Variants in C2CD2 observed in about 807,000 individuals in gnomAD.
C2CD2 encodes the protein C2 calcium dependent domain containing 2.
Under a neutral mutation model 74.3 loss-of-function variants are expected in C2CD2, and 43 were observed. The ratio of observed to expected loss-of-function variants is 0.58; its 90% confidence interval spans 0.45 to 0.75. The LOEUF (loss-of-function observed/expected upper bound fraction) is 0.75, where lower values mean the gene tolerates loss of function less well. C2CD2 is among the 30% of genes least tolerant of loss of function. The pLI is 0.00. For synonymous variants in C2CD2, 422 were observed against 390.7 expected (o/e 1.08, Z -0.94); for missense variants, 801 against 916.3 (o/e 0.87, Z 1.63).
chr21:41,922,544 G>A (rs773314144), intron 2 of C2CD2, among the ~76,000 whole-genome samples: 2 of 149,404 alleles, frequency 1.3e-5, no homozygotes, highest in African/African-American at 2.5e-5. Flanking sequence ...GAGCAATCTC[G>A]GCTCACTGCA....
rs2065472785 is a variant in C2CD2, at chr21:41,953,977, G to C, written c.-329C>G. On this transcript the variant is annotated 5_prime_UTR_variant, in exon 1 of 14. Coordinates refer to ENST00000380486, the MANE Select transcript of C2CD2 (RefSeq NM_015500.2). ...CGCTTCCTCCTGCGCGCGCCGCCCC[G>C]GGCGTCCCGCCCGCGGCCCAGCGGT... is the stretch of plus-strand genomic sequence containing the variant. The C allele has an allele frequency of 6.8e-6, 1 of 147,844 alleles. No homozygotes were observed. The highest frequency in any genetic ancestry group is 1.5e-5 in the Non-Finnish European group (1 of 66,586). The allele number at this position is 147,844 out of a possible 1,614,324, so 9.2% of individuals were successfully genotyped here. A position where few individuals can be genotyped will look rare whatever the true frequency, so the allele number is the denominator to read the frequency against.
chr21:41,894,679 G>A (rs1206400586), intron 13 of C2CD2: 1 of 456,812 alleles, frequency 2.2e-6, no homozygotes, highest in South Asian at 1.5e-5. Flanking sequence ...GGCATGCAGG[G>A]GGCAGGGGAG....
chr21:41,915,442 CT>C lies in C2CD2; in HGVS notation c.721-722del, dbSNP rs1319117253. 7.0e-4 allele frequency among the ~76,000 whole-genome samples: 102 copies of C among 146,550 alleles called. 1 individual carries two copies. The highest frequency in any genetic ancestry group is 2.6e-3 in the East Asian group (13 of 5,052). ...CCTGTCACTCACTGCCAAGAGTGTT[CT>C]TTTTTTTTTTTGAGACAGAGTCTCG... On this transcript the variant is annotated intron_variant, in intron 5 of 13. Transcript: ENST00000380486.
intron 1 of C2CD2, among the ~76,000 whole-genome samples, chr21:41,948,481 C>T (rs1216692730): frequency 6.6e-6 from 1 of 152,140 alleles, no homozygotes; most frequent in Admixed American, 6.5e-5. Flanking sequence ...GTTAAATAAG[C>T]AGGAAAAAAG....
chr21:41,886,110 G>C lies in C2CD2; in HGVS notation c.*3014C>G, dbSNP rs957067302. On this transcript the variant is annotated 3_prime_UTR_variant, in exon 14 of 14. Transcript: ENST00000380486. Reference sequence around the variant, plus strand: ...CTCCTTAAACAAAGCAAACGGGGAAGGGTTGCAAGCTCATTAAAACCAACA... The same window carrying C: ...CTCCTTAAACAAAGCAAACGGGGAACGGTTGCAAGCTCATTAAAACCAACA... The C allele has an allele frequency of 6.6e-6, 1 of 152,194 alleles. No homozygotes were observed. Among genetic ancestry groups the C allele is most frequent in the African/African-American group, 2.4e-5 (1 of 41,428 alleles). 9.4% of individuals were successfully genotyped at this position (152,194 alleles called of 1,614,324 possible).
intron 2 of C2CD2, among the ~76,000 whole-genome samples, chr21:41,937,606 T>G (rs1388065376): frequency 9.2e-5 from 14 of 152,174 alleles, no homozygotes; most frequent in Non-Finnish European, 1.5e-5. Context: ...CTAACCCTCA[T>G]GCTGTTCAAG....
intron 9 of C2CD2, 72 bp from the exon 10 acceptor site, chr21:41,907,238 C>T: frequency 8.5e-7 from 1 of 1,177,126 alleles, no homozygotes; most frequent in African/African-American, 1.5e-5. Context: ...GGTAACACTG[C>T]CTTCTTGTGA....
In C2CD2 at chr21:41,894,435, G is replaced by A. The variant is rs559417692; in HGVS notation, c.1870+4618C>T. 7.5e-4 allele frequency: 273 copies of A among 361,840 alleles called. 4 individuals carry two copies. Among genetic ancestry groups the A allele is most frequent in the East Asian group, 1.2e-3 (17 of 13,694 alleles). 22.4% of individuals were successfully genotyped at this position (361,840 alleles called of 1,614,324 possible). On this transcript the variant is annotated intron_variant, in intron 13 of 13. Coordinates refer to ENST00000380486, the MANE Select transcript of C2CD2 (RefSeq NM_015500.2). ...ACTAATGGGACGGGTGTGTGACATT[G>A]CGCTTTCTGGCTCTGAAGTCCATGT...
chr21:41,943,052 G>A lies in C2CD2; in HGVS notation c.280-807C>T, dbSNP rs184551520. ...ATGGTGGCTCACACCGGTAATCCCAGTACTTTGGGAGGCCAAGGTGGAAGG... is the reference window on the plus strand; with the variant it reads ...ATGGTGGCTCACACCGGTAATCCCAATACTTTGGGAGGCCAAGGTGGAAGG... On this transcript the variant is annotated intron_variant, in intron 1 of 13. Transcript: ENST00000380486. 3 of 530,818 alleles carry A rather than the reference G, an allele frequency of 5.7e-6. No homozygotes were observed. The African/African-American group carries it at 6.2e-5, about 11-fold the overall frequency. 32.9% of individuals were successfully genotyped at this position (530,818 alleles called of 1,614,324 possible).
Position 41,896,997 on chromosome 21 carries a change from T to C in C2CD2, c.1870+2056A>G, listed in dbSNP as rs140415707. 3.9e-5 allele frequency among the ~76,000 whole-genome samples: 6 copies of C among 152,348 alleles called. No individual in the cohort carries two copies. The East Asian group carries it at 1.2e-3, about 29-fold the overall frequency. The stretch of plus-strand genomic sequence containing the variant: ...GGCACGGCTGAGCCTCTCTGCTGCA[T>C]TCCCAAATGCCGAGCCTCCGGCAAG... On this transcript the variant is annotated intron_variant, in intron 13 of 13. Coordinates refer to ENST00000380486, the MANE Select transcript of C2CD2 (RefSeq NM_015500.2).
chr21:41,938,952 A>C (rs188707948), intron 2 of C2CD2, among the ~76,000 whole-genome samples: 14 of 152,076 alleles, frequency 9.2e-5, no homozygotes, highest in South Asian at 2.1e-4. Flanking sequence ...CCATGTTGGC[A>C]AGGCTGGTCT....
At chr21:41,927,675 T>C (rs1233077019) in intron 2 of C2CD2, among the ~76,000 whole-genome samples, 1 of 152,158 alleles carries the variant, frequency 6.6e-6, no homozygotes, top group Non-Finnish European at 1.5e-5. Flanking sequence ...TTCACTATGT[T>C]GGCCAGGCTG....
At chr21:41,935,843 CA>C (rs950763746) in intron 2 of C2CD2, among the ~76,000 whole-genome samples, 1 of 150,456 alleles carries the variant, frequency 6.6e-6, no homozygotes, top group Non-Finnish European at 1.5e-5. Flanking sequence ...GACTCTGTCT[CA>C]AAAAAAAAGT....
Position 41,929,040 on chromosome 21 carries a change from A to G in C2CD2, c.379-6955T>C, listed in dbSNP as rs373133305. Reference sequence around the variant, plus strand: ...CAAGGCAAGAGGATCACTTGAGTCCATGAGTTTAAAATGAGCCTGGGCAAT... The same window carrying G: ...CAAGGCAAGAGGATCACTTGAGTCCGTGAGTTTAAAATGAGCCTGGGCAAT... On this transcript the variant is annotated intron_variant, in intron 2 of 13. Transcript: ENST00000380486. This position sits in a 1 kb window ranked among gnomAD's most constrained non-coding sequence, Gnocchi z 4.6. Among the ~76,000 whole-genome samples the G allele has an allele frequency of 1.3e-5, 2 of 152,166 alleles. No homozygotes were observed. The highest frequency in any genetic ancestry group is 4.2e-4 in the South Asian group (2 of 4,810).
At position 41,945,296 on chromosome 21, in the gene C2CD2, T is replaced by C. The variant is rs1158431181; in HGVS notation, c.280-3051A>G. ...AGAAATATAGACATGCGCACACACG[T>C]TGGTATACACACGTATGTTTGCTAT... is the stretch of plus-strand genomic sequence containing the variant. On this transcript the variant is annotated intron_variant, in intron 1 of 13. Coordinates refer to ENST00000380486, the MANE Select transcript of C2CD2 (RefSeq NM_015500.2). The surrounding 1 kb of genome is among the most constrained non-coding windows in gnomAD (Gnocchi z 4.2). Among the ~76,000 whole-genome samples, 3 of 151,920 alleles carry C rather than the reference T, an allele frequency of 2.0e-5. No homozygotes were observed. Among genetic ancestry groups the C allele is most frequent in the East Asian group, 1.9e-4 (1 of 5,188 alleles).
At chr21:41,890,528 A>G (rs1370567581) in intron 13 of C2CD2, among the ~76,000 whole-genome samples, 1 of 152,248 alleles carries the variant, frequency 6.6e-6, no homozygotes, top group Non-Finnish European at 1.5e-5. Flanking sequence ...CGAGGGAGTA[A>G]GCATTTCAGG....
At chr21:41,930,946 G>T (rs2065256710) in intron 2 of C2CD2, among the ~76,000 whole-genome samples, 2 of 149,956 alleles carry the variant, frequency 1.3e-5, no homozygotes, top group South Asian at 4.3e-4. Flanking sequence ...GGGAAGGGCT[G>T]GCTCTCAGGT....
At chr21:41,901,419 A>G (rs382736) in intron 12 of C2CD2, 249,952 of 626,710 alleles carry the variant, frequency 0.4, 53,564 homozygotes, top group African/African-American at 0.68. Flanking sequence ...AAAGTCTCCC[A>G]TGTCCTTGGT....
rs73904783 is a variant in C2CD2, at chr21:41,920,491, T to A, written c.492+1481A>T. The stretch of plus-strand genomic sequence containing the variant: ...AAAACGATGACTTCTACTTCATAAC[T>A]GTCTCCAACCTGCCTTCCTTGTCTG... On this transcript the variant is annotated intron_variant, in intron 3 of 13. Coordinates refer to ENST00000380486, the MANE Select transcript of C2CD2 (RefSeq NM_015500.2). 5.2e-3 allele frequency among the ~76,000 whole-genome samples: 785 copies of A among 152,324 alleles called. 7 individuals carry two copies. The highest frequency in any genetic ancestry group is 0.018 in the African/African-American group (742 of 41,562).
Sources: gnomAD v4.1 joint callset for allele counts (sites outside exome capture counted in the v4.1 genomes callset) on GRCh38, gnomAD v4.1.1 for gene constraint, Gnocchi (gnomAD v3.1) non-coding constraint, MANE v1.5 for transcripts, NCBI Gene and HGNC (gene_info 2026-07-23, HGNC 2026-07-21) for gene names.